MTSS2: variants seen among roughly 807,000 people sequenced by gnomAD.
MTSS2 encodes the protein MTSS I-BAR domain containing 2, also known as protein MTSS 2.
In MTSS2, 27 loss-of-function variants were observed where a neutral mutation model predicts 67.1. That is an observed-to-expected ratio of 0.40 (90% CI 0.30 to 0.55). The LOEUF (loss-of-function observed/expected upper bound fraction) is 0.55. Ranked by LOEUF, MTSS2 falls within the 20% of genes least tolerant of loss-of-function variation. The pLI is 0.43. For missense variants in MTSS2, 1,171 were observed against 1,067.8 expected, an observed-to-expected ratio of 1.10 and a Z score of -1.35; for synonymous variants, 624 against 468.6, an observed-to-expected ratio of 1.33 and a Z score of -4.28.
rs756510508 is a variant in MTSS2 at position 70,664,107 on chromosome 16, A to G, written c.1814T>C (p.Met605Thr). The G allele has an allele frequency of 1.9e-6, 3 of 1,611,818 alleles. No individual in the cohort carries two copies. Among genetic ancestry groups the G allele is most frequent in the East Asian group, 2.2e-5 (1 of 44,838 alleles). ...TPTVPDSPGY[M>T]GPTRAGSEEC... ...CTCACTGCCCGCCCGTGTGGGCCCC[A>G]TGTAGCCGGGGGAGTCAGGCACCGT... Residue 605 changes from methionine (M) to threonine (T), a missense_variant, in exon 15 of 15, where the codon ATG becomes ACG. Transcript: ENST00000338779.
At chr16:70,684,185 G>A (rs1301151519) in intron 1 of MTSS2, among the ~76,000 whole-genome samples, 2 of 152,146 alleles carry the variant, frequency 1.3e-5, no homozygotes, top group Non-Finnish European at 2.9e-5. Context: ...GGTGCGGGAA[G>A]GCCCATCCGG....
intron 10 of MTSS2, 73 bp downstream of exon 10, chr16:70,676,808 T>G: frequency 2.2e-6 from 3 of 1,339,022 alleles, no homozygotes; most frequent in Non-Finnish European, 3.2e-6. Context: ...TCTGATGCAA[T>G]TTTGCTGGGA....
At chr16:70,685,495 C>A (rs1026714681) in intron 1 of MTSS2, among the ~76,000 whole-genome samples, 2 of 152,070 alleles carry the variant, frequency 1.3e-5, no homozygotes, top group East Asian at 3.9e-4. Flanking sequence ...CAGGACCCCA[C>A]GGGGCCACCG....
At chr16:70,677,356 G>A (rs1194223733) in intron 9 of MTSS2, among the ~76,000 whole-genome samples, 1 of 152,174 alleles carries the variant, frequency 6.6e-6, no homozygotes, top group Non-Finnish European at 1.5e-5. Flanking sequence ...TGCCTCTGGA[G>A]CGTGCTGCCC....
At position 70,663,813 on chromosome 16, in the gene MTSS2, G is replaced by T; in HGVS notation, c.2108C>A (p.Pro703His). 1 of 1,532,070 alleles carries T rather than the reference G, an allele frequency of 6.5e-7. No homozygotes were observed. 94.9% of individuals were successfully genotyped at this position (1,532,070 alleles called of 1,614,324 possible). Residue 703 changes from proline to histidine, a missense_variant, in exon 15 of 15, where the codon CCC becomes CAC. Coordinates refer to ENST00000338779, the MANE Select transcript of MTSS2 (RefSeq NM_138383.3). ...FPFPTALSAT[P>H]TEETPTPPPA... ...GGGTGGGGTGGGCGTCTCCTCCGTG[G>T]GGGTGGCCGACAGAGCAGTGGGGAA... is the stretch of plus-strand genomic sequence containing the variant.
chr16:70,661,517 G>A lies in MTSS2; in HGVS notation c.*2160C>T, dbSNP rs984739938. On this transcript the variant is annotated 3_prime_UTR_variant, in exon 15 of 15. Coordinates refer to ENST00000338779, the MANE Select transcript of MTSS2 (RefSeq NM_138383.3). ...ACGCTTTTGAAAAGAATATTTCTCC[G>A]TACAAAATGAGAAATTAAACGAACG... 3.8e-5 allele frequency: 13 copies of A among 346,360 alleles called. No individual in the cohort carries two copies. The highest frequency in any genetic ancestry group is 1.5e-4 in the South Asian group (7 of 46,058). The allele number at this position is 346,360 out of a possible 1,614,324, so 21.5% of individuals were successfully genotyped here. A position where few individuals can be genotyped will look rare whatever the true frequency, so the allele number is the denominator to read the frequency against.
At chr16:70,666,833 AAAG>A (rs1484836311) in intron 11 of MTSS2, among the ~76,000 whole-genome samples, 2 of 152,278 alleles carry the variant, frequency 1.3e-5, no homozygotes, top group African/African-American at 4.8e-5. Context: ...CTAATCTGAT[AAAG>A]AATATCTACA....
At chr16:70,668,910 C>T (rs751711770) in intron 11 of MTSS2, among the ~76,000 whole-genome samples, 13 of 152,048 alleles carry the variant, frequency 8.5e-5, no homozygotes, top group African/African-American at 9.7e-5. Context: ...TATTTTGTTA[C>T]GGCAGTCCAA....
At chr16:70,678,138 G>A (rs1306159444) in intron 8 of MTSS2, 114 bp downstream of exon 8, 4 of 1,335,892 alleles carry the variant, frequency 3.0e-6, no homozygotes, top group African/African-American at 2.9e-5. Flanking sequence ...CCAGGAGCAT[G>A]TGGCCTTGAT....
rs1209998692 is a variant in MTSS2, at chr16:70,664,904, G to A, written c.1305+16C>T. ...GGGACTGACCTGGGCGTGAAGGGGGGCCCTGGCCAGCCTACCTTGGCTGCG... is the reference window on the plus strand; with the variant it reads ...GGGACTGACCTGGGCGTGAAGGGGGACCCTGGCCAGCCTACCTTGGCTGCG... On this transcript the variant is annotated intron_variant, in intron 13 of 14. Transcript: ENST00000338779. The A allele has an allele frequency of 4.6e-6, 7 of 1,532,018 alleles. No individual in the cohort carries two copies. Among genetic ancestry groups the A allele is most frequent in the East Asian group, 2.4e-5 (1 of 41,386 alleles). 94.9% of individuals were successfully genotyped at this position (1,532,018 alleles called of 1,614,324 possible). A position where few individuals can be genotyped will look rare whatever the true frequency, so the allele number is the denominator to read the frequency against.
Position 70,672,913 on chromosome 16 carries a change from C to T in MTSS2, c.1053+1393G>A, listed in dbSNP as rs746509972. Among the ~76,000 whole-genome samples, 5 of 152,124 alleles carry T rather than the reference C, an allele frequency of 3.3e-5. No individual in the cohort carries two copies. The South Asian group carries it at 1.0e-3, about 32-fold the overall frequency. ...CGGTTGCTCACACCTGTAATCCCAG[C>T]ACTTTGGGAGGCTAAGGCAGGCAGA... On this transcript the variant is annotated intron_variant, in intron 11 of 14. Transcript: ENST00000338779.
At chr16:70,681,346 C>T (rs371944066) in intron 1 of MTSS2, among the ~76,000 whole-genome samples, 2 of 152,214 alleles carry the variant, frequency 1.3e-5, no homozygotes, top group African/African-American at 4.8e-5. Flanking sequence ...AGGTCCTGTC[C>T]CCTCGGGGTT....
In MTSS2 at chr16:70,678,241, A is replaced by C. The variant is rs2053183427; in HGVS notation, c.624+11T>G. On this transcript the variant is annotated intron_variant, in intron 8 of 14. Transcript: ENST00000338779. Reference sequence around the variant, plus strand: ...CCACCCCTCTGGGGTCTGAGTCCCCAGGAGTCCCACCACCACAGGCTGCAG... The same window carrying C: ...CCACCCCTCTGGGGTCTGAGTCCCCCGGAGTCCCACCACCACAGGCTGCAG... The C allele has an allele frequency of 6.2e-7, 1 of 1,601,598 alleles. No individual in the cohort carries two copies. The highest frequency in any genetic ancestry group is 8.5e-7 in the Non-Finnish European group (1 of 1,174,588).
At chr16:70,676,285 T>G (rs370246998) in intron 10 of MTSS2, among the ~76,000 whole-genome samples, 3 of 152,250 alleles carry the variant, frequency 2.0e-5, no homozygotes, top group African/African-American at 4.8e-5. Flanking sequence ...TGCGAGATCC[T>G]TGGCCTCTCC....
At position 70,680,902 on chromosome 16, in the gene MTSS2, G is replaced by A; in HGVS notation, c.132-35C>T. 2.6e-6 allele frequency: 4 copies of A among 1,533,294 alleles called. No individual in the cohort carries two copies. The South Asian group carries it at 4.8e-5, about 18-fold the overall frequency. 95.0% of individuals were successfully genotyped at this position (1,533,294 alleles called of 1,614,324 possible). Reference sequence around the variant, plus strand: ...GGGACAACGGCATGGATGGTCGGTGGTTGGGCGGGGGGGGGGCCTCTGCCT... The same window carrying A: ...GGGACAACGGCATGGATGGTCGGTGATTGGGCGGGGGGGGGGCCTCTGCCT... On this transcript the variant is annotated intron_variant, in intron 2 of 14. Coordinates refer to ENST00000338779, the MANE Select transcript of MTSS2 (RefSeq NM_138383.3).
chr16:70,665,498 G>T lies in MTSS2; in HGVS notation c.1096C>A (p.Gln366Lys). 7.1e-6 allele frequency: 11 copies of T among 1,552,638 alleles called. No homozygotes were observed. The highest frequency in any genetic ancestry group is 7.0e-6 in the Non-Finnish European group (8 of 1,149,324). ...GGGGAGCTGCACTCGCTAACGGACT[G>T]GCAGGTTTCCGAGGCCTCGGAAGAT... Reference protein sequence around the residue: ...SASSEASETCQSVSECSSPTS... With the variant: ...SASSEASETCKSVSECSSPTS... Residue 366 changes from glutamine to lysine, a missense_variant, in exon 12 of 15, where the codon CAG (glutamine) becomes AAG (lysine). Coordinates refer to ENST00000338779, the MANE Select transcript of MTSS2 (RefSeq NM_138383.3).
At chr16:70,666,890 G>C (rs1227582266) in intron 11 of MTSS2, among the ~76,000 whole-genome samples, 1 of 152,200 alleles carries the variant, frequency 6.6e-6, no homozygotes, top group East Asian at 1.9e-4. Context: ...GAAAGACAAG[G>C]ATGCCCACTG....
Position 70,665,189 on chromosome 16 carries a change from G to C in MTSS2, c.1129-93C>G, listed in dbSNP as rs1321293621. 8 of 1,379,518 alleles carry C rather than the reference G, an allele frequency of 5.8e-6. No homozygotes were observed. The South Asian group carries it at 7.2e-5, about 12-fold the overall frequency. 85.5% of individuals were successfully genotyped at this position (1,379,518 alleles called of 1,614,324 possible). A position where few individuals can be genotyped will look rare whatever the true frequency, so the allele number is the denominator to read the frequency against. Reference sequence around the variant, plus strand: ...CTGTGGCTGAGGCTCAGGGTGTCCAGGGCTATCAGGGGGTCTCTGGTTCGC... The same window carrying C: ...CTGTGGCTGAGGCTCAGGGTGTCCACGGCTATCAGGGGGTCTCTGGTTCGC... On this transcript the variant is annotated intron_variant, in intron 12 of 14. Transcript: ENST00000338779.
rs1439924210 is a variant in MTSS2 at position 70,677,909 on chromosome 16, C to A, written c.625-10G>T. ...TGGTCAGCTCTCCATTCTGAGGAAG[C>A]AGCGAGTCAGACCTGCTGGCCCTAT... On this transcript the variant is annotated splice_polypyrimidine_tract_variant and intron_variant, in intron 8 of 14. Coordinates refer to ENST00000338779, the MANE Select transcript of MTSS2 (RefSeq NM_138383.3). The A allele has an allele frequency of 6.3e-7, 1 of 1,580,460 alleles. No individual in the cohort carries two copies.
Sources: allele counts gnomAD v4.1 joint callset (sites outside exome capture counted in the v4.1 genomes callset), GRCh38; gene constraint gnomAD v4.1.1; transcripts MANE v1.5; gene names NCBI Gene and HGNC (gene_info 2026-07-23, HGNC 2026-07-21).